THSD7B: variants seen among roughly 807,000 people sequenced by gnomAD.
THSD7B encodes the protein thrombospondin type 1 domain containing 7B.
THSD7B carries 138 observed loss-of-function variants against 213.6 expected under a neutral mutation model. The ratio of observed to expected loss-of-function variants is 0.65; its 90% CI spans 0.56 to 0.74. The LOEUF is 0.74. Among genes scored for constraint, THSD7B ranks in the 30% least tolerant of loss-of-function variants. The probability of loss-of-function intolerance (pLI) is 0.00; values close to 1 mark genes in which losing one functional copy is unlikely to be tolerated. For synonymous variants in THSD7B, 742 were observed against 687.0 expected (o/e 1.08, Z -1.25); for missense variants, 1,931 against 1,991.5 (o/e 0.97, Z 0.58).
At chr2:137,393,112 G>C (rs1686075002) in intron 12 of THSD7B, among the ~76,000 whole-genome samples, 1 of 148,280 alleles carries the variant, frequency 6.7e-6, no homozygotes, top group African/African-American at 2.5e-5. Flanking sequence ...ATCTTACTAG[G>C]TAAAAATTCT....
intron 6 of THSD7B, 64 bp downstream of exon 6, chr2:137,160,432 A>G: frequency 6.4e-7 from 1 of 1,567,830 alleles, no homozygotes; most frequent in Middle Eastern, 1.7e-4. Context: ...TCTGGTAGCT[A>G]AGTCACTGAT....
chr2:137,051,849 G>A (rs555026754), intron 2 of THSD7B, among the ~76,000 whole-genome samples: 3 of 152,118 alleles, frequency 2.0e-5, no homozygotes, highest in South Asian at 2.1e-4. Context: ...CTCCTTTTTC[G>A]TTTGTTTCAG....
At chr2:136,815,397 T>C (rs1377475459) in intron 1 of THSD7B, among the ~76,000 whole-genome samples, 1 of 152,174 alleles carries the variant, frequency 6.6e-6, no homozygotes, top group East Asian at 1.9e-4. Flanking sequence ...ATTAATAAGA[T>C]GTTGTTTCTC....
intron 1 of THSD7B, among the ~76,000 whole-genome samples, chr2:136,827,314 T>G (rs1008915293): frequency 6.6e-6 from 1 of 152,228 alleles, no homozygotes; most frequent in Non-Finnish European, 1.5e-5. Flanking sequence ...CAGACCTATT[T>G]GGACCAGCAT....
At position 136,853,870 on chromosome 2, in the gene THSD7B, T is replaced by C. The variant is rs149170688; in HGVS notation, c.-35-28274T>C. Among the ~76,000 whole-genome samples the C allele has an allele frequency of 2.5e-3, 386 of 152,302 alleles. 1 individual carries two copies. The highest frequency in any genetic ancestry group is 8.9e-3 in the African/African-American group (372 of 41,566). ...ATTTATTCAACAGGGTATAATTATG[T>C]ACTCTCATTAGTTTTGTGTTTGTGT... On this transcript the variant is annotated intron_variant, in intron 1 of 27. Transcript: ENST00000409968.
At chr2:137,489,713 A>G (rs1688562254) in intron 15 of THSD7B, among the ~76,000 whole-genome samples, 1 of 152,218 alleles carries the variant, frequency 6.6e-6, no homozygotes, top group Non-Finnish European at 1.5e-5. Context: ...AGGACCCAGC[A>G]TCATTCCTAA....
At chr2:137,312,455 C>T (rs1312870657) in intron 12 of THSD7B, among the ~76,000 whole-genome samples, 2 of 148,064 alleles carry the variant, frequency 1.4e-5, no homozygotes, top group African/African-American at 2.6e-5. Context: ...TTCAAAAAAC[C>T]AGCTCCTGGA....
intron 3 of THSD7B, 93 bp downstream of exon 3, chr2:137,057,323 A>G: frequency 8.0e-7 from 1 of 1,248,798 alleles, no homozygotes; most frequent in South Asian, 1.6e-5. Flanking sequence ...CAAAGCGAAA[A>G]TGGCAACGAG....
At chr2:137,474,053 G>C (rs376660672) in intron 15 of THSD7B, among the ~76,000 whole-genome samples, 2 of 152,138 alleles carry the variant, frequency 1.3e-5, no homozygotes, top group East Asian at 3.9e-4. Context: ...CTTTGGCCAA[G>C]ACTTTACAAT....
intron 2 of THSD7B, among the ~76,000 whole-genome samples, chr2:136,926,981 C>G (rs1429913683): frequency 1.3e-5 from 2 of 152,132 alleles, no homozygotes; most frequent in Non-Finnish European, 2.9e-5. Context: ...AAAATACAAA[C>G]TTGTTTCTAA....
chr2:137,016,951 C>T (rs72983588), intron 2 of THSD7B, among the ~76,000 whole-genome samples: 3,034 of 152,154 alleles, frequency 0.02, 95 homozygotes, highest in African/African-American at 0.07. Flanking sequence ...TTACAGTTTT[C>T]CAAATATAAT....
At chr2:137,623,598 A>G (rs1220067789) in intron 20 of THSD7B, among the ~76,000 whole-genome samples, 2 of 152,196 alleles carry the variant, frequency 1.3e-5, no homozygotes. Context: ...TCAGCCCAAA[A>G]TCTCCTTAAG....
chr2:136,886,723 G>T (rs1369628259), intron 2 of THSD7B, among the ~76,000 whole-genome samples: 1 of 152,206 alleles, frequency 6.6e-6, no homozygotes, highest in Non-Finnish European at 1.5e-5. Flanking sequence ...TGTGGGATGG[G>T]TGATACTGAC....
At chr2:137,567,544 A>G (rs983621284) in intron 16 of THSD7B, among the ~76,000 whole-genome samples, 1 of 152,138 alleles carries the variant, frequency 6.6e-6, no homozygotes, top group Non-Finnish European at 1.5e-5. Flanking sequence ...CAGGTGAAAG[A>G]AGTTAATGGT....
chr2:137,436,495 T>C (rs1347419291), intron 14 of THSD7B, among the ~76,000 whole-genome samples: 1 of 152,228 alleles, frequency 6.6e-6, no homozygotes, highest in Non-Finnish European at 1.5e-5. Context: ...CCTCTGTTCC[T>C]GCTGCTGTTT....
intron 12 of THSD7B, among the ~76,000 whole-genome samples, chr2:137,332,843 T>C (rs534769117): frequency 3.2e-4 from 48 of 152,312 alleles, no homozygotes; most frequent in African/African-American, 1.1e-3. Context: ...CCTTCTGCCA[T>C]GATTGTAAGT....
chr2:137,062,009 T>C (rs1452807572), intron 3 of THSD7B, among the ~76,000 whole-genome samples: 1 of 151,750 alleles, frequency 6.6e-6, no homozygotes, highest in African/African-American at 2.4e-5. Context: ...TAAATACTGG[T>C]TTAATTTCTT....
At chr2:136,839,232 C>A (rs969012941) in intron 1 of THSD7B, among the ~76,000 whole-genome samples, 2 of 152,152 alleles carry the variant, frequency 1.3e-5, no homozygotes, top group African/African-American at 4.8e-5. Context: ...CCACACCTAC[C>A]TCCTTTCTAC....
chr2:137,416,793 C>T (rs1686808826), intron 14 of THSD7B, among the ~76,000 whole-genome samples: 1 of 152,176 alleles, frequency 6.6e-6, no homozygotes, highest in African/African-American at 2.4e-5. Context: ...CACAGAAAAC[C>T]TTGTTCTATT....
Sources: gnomAD v4.1 joint callset for allele counts (sites outside exome capture counted in the v4.1 genomes callset) on GRCh38, gnomAD v4.1.1 for gene constraint, MANE v1.5 for transcripts, NCBI Gene and HGNC (gene_info 2026-07-23, HGNC 2026-07-21) for gene names.